Variants in TMEM242 observed in about 807,000 individuals in gnomAD.
The protein encoded by TMEM242 is transmembrane protein 242.
TMEM242 carries 10 observed loss-of-function variants against 18.2 expected under a neutral mutation model. The observed-to-expected ratio is 0.55, with a 90% CI of 0.34 to 0.93. The LOEUF is 0.93. Among genes scored for constraint, TMEM242 ranks in the 40% least tolerant of loss-of-function variants. The pLI is 0.02. For missense variants in TMEM242, 186 were observed against 175.5 expected (o/e 1.06, Z -0.34); for synonymous variants, 57 against 69.9 (o/e 0.81, Z 0.92).
chr6:157,299,965 C>T lies in TMEM242; in HGVS notation c.328-6966G>A, dbSNP rs149902888. On this transcript the variant is annotated intron_variant, in intron 3 of 3. Transcript: ENST00000400788. ...AGACCTTACTGTGATGAGCGGGCTC[C>T]TCGGAAGTGAAGCGCTCAACAAGCT... 2.0e-4 allele frequency: 310 copies of T among 1,552,482 alleles called. 2 individuals are homozygous for T. In the East Asian group the frequency reaches 6.8e-3, roughly 34 times the overall value.
chr6:157,322,936 C>T (rs1212339388), intron 1 of TMEM242, 131 bp from the exon 2 acceptor site: 3 of 776,080 alleles, frequency 3.9e-6, no homozygotes, highest in Non-Finnish European at 6.0e-6. Flanking sequence ...ATTCAAGAAA[C>T]CATGGCTAAG....
chr6:157,302,395 T>G (rs1777842996), intron 3 of TMEM242, among the ~76,000 whole-genome samples: 1 of 152,218 alleles, frequency 6.6e-6, no homozygotes, highest in African/African-American at 2.4e-5. Flanking sequence ...TTGTTGAACA[T>G]GAAATTCAAG....
chr6:157,311,596 CT>C (rs1562383414), intron 3 of TMEM242, among the ~76,000 whole-genome samples: 1 of 105,964 alleles, frequency 9.4e-6, no homozygotes, highest in Non-Finnish European at 2.0e-5. Context: ...GTCCCCTCAC[CT>C]AGCCTCATCA....
chr6:157,319,745 A>C (rs1278440507), intron 2 of TMEM242, among the ~76,000 whole-genome samples: 2 of 152,218 alleles, frequency 1.3e-5, no homozygotes, highest in South Asian at 4.1e-4. Flanking sequence ...AATCTGTTTT[A>C]ATACCTAGAA....
At chr6:157,298,434 A>G (rs1266667845) in intron 3 of TMEM242, among the ~76,000 whole-genome samples, 1 of 152,208 alleles carries the variant, frequency 6.6e-6, no homozygotes, top group Non-Finnish European at 1.5e-5. Context: ...CCATCAGATC[A>G]CTATTTTCAT....
At chr6:157,304,272 C>T (rs1282511722) in intron 3 of TMEM242, among the ~76,000 whole-genome samples, 2 of 151,866 alleles carry the variant, frequency 1.3e-5, no homozygotes, top group Non-Finnish European at 2.9e-5. Context: ...TCCACACCAG[C>T]CTGGTCAACA....
In TMEM242 at chr6:157,289,583, A is replaced by G. The variant is rs1361889166; in HGVS notation, c.*3318T>C. ...ATACATAAAAATGAGATGAAAATATATAACCTTCCCCATAAACCAAGATTT... is the reference window on the plus strand; with the variant it reads ...ATACATAAAAATGAGATGAAAATATGTAACCTTCCCCATAAACCAAGATTT... On this transcript the variant is annotated 3_prime_UTR_variant, in exon 4 of 4. Coordinates refer to ENST00000400788, the MANE Select transcript of TMEM242 (RefSeq NM_018452.6). The G allele has an allele frequency of 6.6e-6, 1 of 152,370 alleles. No homozygotes were observed. The highest frequency in any genetic ancestry group is 2.4e-5 in the African/African-American group (1 of 41,588). 9.4% of individuals were successfully genotyped at this position (152,370 alleles called of 1,614,324 possible).
chr6:157,298,796 T>C (rs1188598897), intron 3 of TMEM242, among the ~76,000 whole-genome samples: 2 of 152,176 alleles, frequency 1.3e-5, no homozygotes, highest in Non-Finnish European at 2.9e-5. Context: ...AAATGCCAAC[T>C]ACATATATAA....
intron 3 of TMEM242, among the ~76,000 whole-genome samples, chr6:157,297,505 C>T (rs967991414): frequency 2.6e-5 from 4 of 152,140 alleles, no homozygotes; most frequent in South Asian, 2.1e-4. Context: ...CTCCTAAAAC[C>T]GCCTAGAACT....
At chr6:157,316,123 T>C (rs1388127862) in intron 3 of TMEM242, among the ~76,000 whole-genome samples, 1 of 152,224 alleles carries the variant, frequency 6.6e-6, no homozygotes, top group Non-Finnish European at 1.5e-5. Context: ...GTGACCCACA[T>C]TACTAAACAC....
chr6:157,299,216 A>T, intron 3 of TMEM242: 1 of 694,692 alleles, frequency 1.4e-6, no homozygotes, highest in African/African-American at 1.7e-5. Flanking sequence ...TTCTCCTAAG[A>T]TTCTTCAAAA....
At chr6:157,294,858 A>G (rs1777731489) in intron 3 of TMEM242, among the ~76,000 whole-genome samples, 1 of 152,192 alleles carries the variant, frequency 6.6e-6, no homozygotes, top group African/African-American at 2.4e-5. Context: ...TCCTAGCTCC[A>G]CCATTTGGGA....
At chr6:157,312,262 C>G in intron 3 of TMEM242, among the ~76,000 whole-genome samples, 1 of 152,038 alleles carries the variant, frequency 6.6e-6, no homozygotes, top group Non-Finnish European at 1.5e-5. Flanking sequence ...CATAGTTTCC[C>G]AGTGTGCACT....
At chr6:157,297,314 G>T (rs1192404300) in intron 3 of TMEM242, among the ~76,000 whole-genome samples, 1 of 152,120 alleles carries the variant, frequency 6.6e-6, no homozygotes, top group Non-Finnish European at 1.5e-5. Context: ...TGCATGTCTT[G>T]GTAGGGGAAA....
chr6:157,300,317 G>C (rs1419074913), intron 3 of TMEM242, among the ~76,000 whole-genome samples: 1 of 152,278 alleles, frequency 6.6e-6, no homozygotes, highest in African/African-American at 2.4e-5. Flanking sequence ...TTGGTGCTGA[G>C]ACTAAGGCAG....
intron 3 of TMEM242, among the ~76,000 whole-genome samples, chr6:157,312,838 G>A (rs62425588): frequency 1.4e-5 from 2 of 141,960 alleles, no homozygotes; most frequent in African/African-American, 5.3e-5. Context: ...GTGCCACAGT[G>A]TGCACTCACC....
chr6:157,291,701 A>G lies in TMEM242; in HGVS notation c.*1200T>C, dbSNP rs1165631129. 2 of 152,238 alleles carry G rather than the reference A, an allele frequency of 1.3e-5. No homozygotes were observed. Among genetic ancestry groups the G allele is most frequent in the Non-Finnish European group, 2.9e-5 (2 of 68,050 alleles). The allele number at this position is 152,238 out of a possible 1,614,324, so 9.4% of individuals were successfully genotyped here. Reference sequence around the variant, plus strand: ...TTTAACAGGGTAACATGGTCTAGAGAAAAGTATTACATTAAGTTCTTGTCA... The same window carrying G: ...TTTAACAGGGTAACATGGTCTAGAGGAAAGTATTACATTAAGTTCTTGTCA... On this transcript the variant is annotated 3_prime_UTR_variant, in exon 4 of 4. Transcript: ENST00000400788.
chr6:157,299,482 T>C (rs1164379004), intron 3 of TMEM242: 1 of 1,415,388 alleles, frequency 7.1e-7, no homozygotes, highest in Non-Finnish European at 1.0e-6. Context: ...TACCAAGCTT[T>C]TGTCCAAACA....
intron 3 of TMEM242, among the ~76,000 whole-genome samples, chr6:157,313,596 T>TAGTC (rs1778288469): frequency 3.6e-4 from 42 of 116,658 alleles, no homozygotes; most frequent in African/African-American, 1.1e-3. Flanking sequence ...TGCGCTCACC[T>TAGTC]AACCCCATCA....
Sources: allele counts gnomAD v4.1 joint callset (sites outside exome capture counted in the v4.1 genomes callset), GRCh38; gene constraint gnomAD v4.1.1; transcripts MANE v1.5; gene names NCBI Gene and HGNC (gene_info 2026-07-23, HGNC 2026-07-21).